Variants in DLG3 observed in about 807,000 individuals in gnomAD.
DLG3 encodes discs large MAGUK scaffold protein 3, also known as disks large homolog 3.
A neutral mutation model predicts 64.1 loss-of-function variants in DLG3; 1 was observed. The ratio of observed to expected loss-of-function variants is 0.02; its 90% CI spans 0.01 to 0.07. DLG3 has a LOEUF of 0.07. Ranked by LOEUF, DLG3 falls within the 10% of genes least tolerant of loss-of-function variation. The pLI is 1.00. For missense variants in DLG3, 429 were observed against 669.5 expected (o/e 0.64, Z 3.96); for synonymous variants, 245 against 259.8 (o/e 0.94, Z 0.55).
rs769800625 is a variant in DLG3 at position 70,450,783 on chromosome X, A to G, written c.985A>G (p.Thr329Ala). The change falls in exon 6 of 19, where the codon ACT (threonine) becomes GCT (alanine). Residue 329 changes from threonine (T) to alanine (A), a missense_variant and splice_region_variant. Physicochemically the swap from Thr to Ala is moderately conservative, Grantham distance 58. This residue lies in a region of DLG3 where 54 missense variants were observed against 54.4 expected (regional missense o/e 0.99). Transcript: ENST00000374360. ...DMYAPPDYAS[T>A]FTALADNHIS... ...GTACGCTCCCCCTGACTACGCCAGC[A>G]GTACGTACTCATCAGCCCCTGTCCC... is the stretch of plus-strand genomic sequence containing the variant. The G allele has an allele frequency of 8.3e-7, 1 of 1,211,822 alleles. No homozygotes were observed. The highest frequency in any genetic ancestry group is 2.2e-5 in the Admixed American group (1 of 46,056).
intron 8 of DLG3, among the ~76,000 whole-genome samples, 192 bp downstream of exon 8, chrX:70,453,985 G>T (rs2086658188): frequency 8.9e-6 from 1 of 112,216 alleles, no homozygotes; most frequent in Admixed American, 9.4e-5. Flanking sequence ...AAGAGGAAAT[G>T]AATGCCTATT....
chrX:70,494,719 G>A (rs766573020), intron 12 of DLG3, among the ~76,000 whole-genome samples: 73 of 112,261 alleles, frequency 6.5e-4, no homozygotes, highest in Non-Finnish European at 1.1e-3. Context: ...CAGTGGTCCC[G>A]CCTGGTGGGC....
rs1041326286 is a variant in DLG3 at position 70,450,761 on chromosome X, C to T, written c.963C>T (p.Tyr321=). The T allele has an allele frequency of 2.0e-5, 24 of 1,211,627 alleles. No homozygotes were observed. Among genetic ancestry groups the T allele is most frequent in the South Asian group, 3.5e-5 (2 of 56,968 alleles). The part of the protein sequence containing the change: ...KPGSLHLNDM[Y]APPDYASTFT... ...GCAGCCTCCACCTCAACGACATGTA[C>T]GCTCCCCCTGACTACGCCAGCAGTA... is the stretch of plus-strand genomic sequence containing the variant. The change falls in exon 6 of 19, where the codon TAC becomes TAT. Residue 321 remains tyrosine (Y), a synonymous_variant. Coordinates refer to ENST00000374360, the MANE Select transcript of DLG3 (RefSeq NM_021120.4).
chrX:70,453,295 G>A lies in DLG3; in HGVS notation c.1146-342G>A, dbSNP rs777709734. 1.9e-4 allele frequency: 45 copies of A among 233,033 alleles called. 1 individual carries two copies. The highest frequency in any genetic ancestry group is 8.8e-4 in the East Asian group (9 of 10,227). 19.2% of individuals were successfully genotyped at this position (233,033 alleles called of 1,213,427 possible). ...CCAGGGTCCATCACACGGGTTGGTAGGATAGGAGAATCTGGGAAGGAAGAG... is the reference window on the plus strand; with the variant it reads ...CCAGGGTCCATCACACGGGTTGGTAAGATAGGAGAATCTGGGAAGGAAGAG... On this transcript the variant is annotated intron_variant, in intron 7 of 18. Coordinates refer to ENST00000374360, the MANE Select transcript of DLG3 (RefSeq NM_021120.4).
At chrX:70,456,816 T>C (rs2086717149) in intron 9 of DLG3, among the ~76,000 whole-genome samples, 1 of 110,897 alleles carries the variant, frequency 9.0e-6, no homozygotes, top group Non-Finnish European at 1.9e-5. Context: ...TGTCAAGCAT[T>C]CTGTGTTGGG....
chrX:70,451,973 C>G lies in DLG3; in HGVS notation c.1092C>G (p.Pro364=). 6.6e-6 allele frequency: 8 copies of G among 1,211,373 alleles called. No homozygotes were observed. The highest frequency in any genetic ancestry group is 8.9e-6 in the Non-Finnish European group (8 of 895,303). ...VSYPAPPQVP[P]TRYSPIPRHM... ...ACCCTGCTCCTCCTCAGGTTCCCCCCACCCGCTACTCTCCTATTCCCAGGC... is the reference window on the plus strand; with the variant it reads ...ACCCTGCTCCTCCTCAGGTTCCCCCGACCCGCTACTCTCCTATTCCCAGGC... The change falls in exon 7 of 19, where the codon CCC becomes CCG. Residue 364 remains proline (P), a synonymous_variant. Coordinates refer to ENST00000374360, the MANE Select transcript of DLG3 (RefSeq NM_021120.4).
chrX:70,453,327 T>C (rs1462254702), intron 7 of DLG3: 2 of 256,638 alleles, frequency 7.8e-6, no homozygotes, highest in Non-Finnish European at 1.4e-5. Context: ...AGAGGACCAG[T>C]GAGTGGGCCT....
In DLG3 at chrX:70,493,124, G is replaced by A. The variant is rs142568771; in HGVS notation, c.1773+528G>A. Among the ~76,000 whole-genome samples, 1,149 of 112,055 alleles carry A rather than the reference G, an allele frequency of 0.01. 8 individuals carry two copies. The highest frequency in any genetic ancestry group is 0.016 in the Non-Finnish European group (865 of 53,213). ...AGGCTACAGTGACCTTTGTTCTTTA[G>A]GAAGTACCAGTGAGTGTTATGAGTG... On this transcript the variant is annotated intron_variant, in intron 12 of 18. Transcript: ENST00000374360.
At chrX:70,453,170 G>A in intron 7 of DLG3, 1 of 163,251 alleles carries the variant, frequency 6.1e-6, no homozygotes, top group Admixed American at 7.4e-5. Flanking sequence ...TGAGACTGCA[G>A]AAGAGTGTCT....
chrX:70,482,659 G>GTTTTTTT (rs1569287442), intron 10 of DLG3, among the ~76,000 whole-genome samples: 2 of 53,335 alleles, frequency 3.7e-5, no homozygotes, highest in African/African-American at 2.2e-4. Flanking sequence ...ATACATGTGT[G>GTTTTTTT]GTGTTTTTTT....
At chrX:70,449,084 C>T in intron 2 of DLG3, 121 bp downstream of exon 2, 1 of 836,573 alleles carries the variant, frequency 1.2e-6, no homozygotes, top group Non-Finnish European at 1.8e-6. Flanking sequence ...GATGGTGAAA[C>T]AGCGGCCCTC....
At chrX:70,445,668 C>A in intron 1 of DLG3, 110 bp downstream of exon 1, 1 of 734,756 alleles carries the variant, frequency 1.4e-6, no homozygotes. Flanking sequence ...GCCTGTGGAC[C>A]CCGAGCCCTA....
chrX:70,445,187 G>T lies in DLG3; in HGVS notation c.-15G>T, dbSNP rs1410013887. 1 of 1,140,252 alleles carries T rather than the reference G, an allele frequency of 8.8e-7. No individual in the cohort carries two copies. The allele number at this position is 1,140,252 out of a possible 1,213,427, so 94.0% of individuals were successfully genotyped here. A position where few individuals can be genotyped will look rare whatever the true frequency, so the allele number is the denominator to read the frequency against. On this transcript the variant is annotated 5_prime_UTR_variant, in exon 1 of 19. Coordinates refer to ENST00000374360, the MANE Select transcript of DLG3 (RefSeq NM_021120.4). ...CGGCGTGGGCTGGGGGGTCCGAGCC[G>T]CGGGGGGCAGTGCCATGCACAAGCA...
intron 9 of DLG3, among the ~76,000 whole-genome samples, chrX:70,465,112 G>A (rs1051861370): frequency 1.8e-5 from 2 of 111,906 alleles, no homozygotes; most frequent in African/African-American, 6.5e-5. Flanking sequence ...TAGATTAAGA[G>A]TTGTTTTGTA....
At chrX:70,477,310 T>C (rs774534921) in intron 9 of DLG3, among the ~76,000 whole-genome samples, 1 of 112,659 alleles carries the variant, frequency 8.9e-6, no homozygotes, top group South Asian at 3.7e-4. Flanking sequence ...TTGACTTATC[T>C]TCCCCTAAGA....
intron 10 of DLG3, among the ~76,000 whole-genome samples, chrX:70,480,732 G>GC (rs1309568486): frequency 1.8e-5 from 2 of 112,261 alleles, no homozygotes; most frequent in Admixed American, 1.9e-4. Context: ...CGTGCTTCCA[G>GC]CCCCCGCAGA....
chrX:70,482,520 G>T (rs2087172131), intron 10 of DLG3, among the ~76,000 whole-genome samples: 1 of 110,845 alleles, frequency 9.0e-6, no homozygotes, highest in Non-Finnish European at 1.9e-5. Flanking sequence ...GAACTTGGTT[G>T]CTCTGACTAT....
intron 18 of DLG3, among the ~76,000 whole-genome samples, chrX:70,501,413 C>CTGTGTGTGTGTGTGTG (rs58272461): frequency 0.012 from 1,153 of 93,846 alleles, 15 homozygotes; most frequent in African/African-American, 0.043. Context: ...GTCTGTCTGT[C>CTGTGTGTGTGTGTGTG]TGTGTGTGTG....
At position 70,465,391 on chromosome X, in the gene DLG3, G is replaced by A. The variant is rs992966245; in HGVS notation, c.1405+11075G>A. 6.2e-5 allele frequency among the ~76,000 whole-genome samples: 7 copies of A among 112,288 alleles called. No homozygotes were observed. The East Asian group carries it at 8.3e-4, about 13-fold the overall frequency. ...ACTGGTTGAATGAATAGTCCCAGAGGAAAATGATTAATGAAGCCAGGAGCA... is the reference window on the plus strand; with the variant it reads ...ACTGGTTGAATGAATAGTCCCAGAGAAAAATGATTAATGAAGCCAGGAGCA... On this transcript the variant is annotated intron_variant, in intron 9 of 18. Transcript: ENST00000374360.
Sources: gnomAD v4.1 joint callset for allele counts (sites outside exome capture counted in the v4.1 genomes callset) on GRCh38, gnomAD v4.1.1 for gene constraint, gnomAD v4.1.1 regional missense constraint, MANE v1.5 for transcripts, NCBI Gene and HGNC (gene_info 2026-07-23, HGNC 2026-07-21) for gene names.